HEATR1: variants seen among roughly 807,000 people sequenced by gnomAD.
HEATR1 encodes the protein HEAT repeat containing 1, also known as HEAT repeat-containing protein 1.
Under a neutral mutation model 248.2 loss-of-function variants are expected in HEATR1, and 77 were observed. The ratio of observed to expected loss-of-function variants is 0.31; its 90% CI spans 0.26 to 0.37. HEATR1 has a LOEUF of 0.37. HEATR1 is among the 10% of genes least tolerant of loss of function. HEATR1 has a pLI of 1.00. For synonymous variants in HEATR1, 897 were observed against 923.1 expected (o/e 0.97, Z 0.51); for missense variants, 2,420 against 2,504.9 (o/e 0.97, Z 0.72).
At chr1:236,596,240 C>T (rs74147505) in intron 6 of HEATR1, among the ~76,000 whole-genome samples, 196 bp from the exon 7 acceptor site, 2,677 of 152,254 alleles carry the variant, frequency 0.018, 17 homozygotes, top group Middle Eastern at 0.075. Flanking sequence ...GTCTGTTGAA[C>T]GAGACAAAGG....
chr1:236,550,837 C>A lies in HEATR1; in HGVS notation c.*65G>T. 1.5e-6 allele frequency: 2 copies of A among 1,300,892 alleles called. No homozygotes were observed. Among genetic ancestry groups the A allele is most frequent in the Non-Finnish European group, 2.1e-6 (2 of 932,384 alleles). The allele number at this position is 1,300,892 out of a possible 1,614,324, so 80.6% of individuals were successfully genotyped here. On this transcript the variant is annotated 3_prime_UTR_variant, in exon 45 of 45. Transcript: ENST00000366582. ...CCAAAAGTAACATGGCACCCAACAC[C>A]CAAAAATAAAAATATGAAATATGAG...
At chr1:236,598,183 C>A (rs1282696451) in intron 4 of HEATR1, among the ~76,000 whole-genome samples, 1 of 152,034 alleles carries the variant, frequency 6.6e-6, no homozygotes, top group Non-Finnish European at 1.5e-5. Flanking sequence ...GCAATGAGGG[C>A]AGAGGTATTT....
chr1:236,555,326 T>C lies in HEATR1; in HGVS notation c.5893A>G (p.Thr1965Ala), dbSNP rs749806008. ...AGHLVKPFAD[T>A]LNQVNISKTD... ...TTGGAGATGTTCACCTGGTTCAAGG[T>C]GTCAGCAAAAGGCTTCACTAAGTGG... The change falls in exon 41 of 45, where the codon ACC becomes GCC. Residue 1965 changes from threonine (T) to alanine (A), a missense_variant. Coordinates refer to ENST00000366582, the MANE Select transcript of HEATR1 (RefSeq NM_018072.6). 3.5e-5 allele frequency: 56 copies of C among 1,614,062 alleles called. No homozygotes were observed. Among genetic ancestry groups the C allele is most frequent in the Middle Eastern group, 1.6e-4 (1 of 6,084 alleles).
chr1:236,557,144 T>C (rs1558177507), intron 37 of HEATR1, 51 bp downstream of exon 37: 1 of 1,579,488 alleles, frequency 6.3e-7, no homozygotes, highest in East Asian at 2.3e-5. Context: ...TTTGTGATCT[T>C]TTACCTTCCC....
Position 236,566,787 on chromosome 1 carries a change from G to C in HEATR1, c.4167C>G (p.His1389Gln). Reference sequence around the variant, plus strand: ...TGGGCAGGCGCCTGTGCTCCGGGACGTGTGGCAGCGCATCCACAAATACAC... The same window carrying C: ...TGGGCAGGCGCCTGTGCTCCGGGACCTGTGGCAGCGCATCCACAAATACAC... ...IISVFVDALP[H>Q]VPEHRRLPIL... is the part of the protein sequence containing the mutation. The change falls in exon 30 of 45, where the codon CAC becomes CAG. Residue 1389 changes from histidine to glutamine, a missense_variant. Physicochemically the swap from His to Gln is conservative, Grantham distance 24 (BLOSUM62 0). Coordinates refer to ENST00000366582, the MANE Select transcript of HEATR1 (RefSeq NM_018072.6). 1 of 1,614,094 alleles carries C rather than the reference G, an allele frequency of 6.2e-7. No individual in the cohort carries two copies. The highest frequency in any genetic ancestry group is 8.5e-7 in the Non-Finnish European group (1 of 1,179,994).
chr1:236,582,664 A>C (rs1260984211), intron 19 of HEATR1, 72 bp downstream of exon 19: 1 of 1,534,992 alleles, frequency 6.5e-7, no homozygotes, highest in Non-Finnish European at 9.0e-7. Context: ...CGGCCTCCCA[A>C]AGTGCTGGGA....
chr1:236,559,050 G>C lies in HEATR1; in HGVS notation c.4856C>G (p.Ala1619Gly), dbSNP rs760041607. ...GNPLPSVRRK[A>G]LDLLNNKLQQ... The stretch of plus-strand genomic sequence containing the variant: ...CAGCTTGTTATTCAAAAGGTCCAGC[G>C]CTTTGCGGCGAACAGATGGCAGGGG... The change falls in exon 35 of 45, where the codon GCG becomes GGG. Residue 1619 changes from alanine to glycine, a missense_variant. Coordinates refer to ENST00000366582, the MANE Select transcript of HEATR1 (RefSeq NM_018072.6). The C allele has an allele frequency of 6.2e-7, 1 of 1,612,622 alleles. No homozygotes were observed. The highest frequency in any genetic ancestry group is 8.5e-7 in the Non-Finnish European group (1 of 1,179,734).
Position 236,604,140 on chromosome 1 carries a change from A to C in HEATR1, c.-32-13T>G, listed in dbSNP as rs908385570. ...TTAATGACACGGGCTAAAAAAACGT[A>C]AGCACTTTGATAAGTTTCTACGAAA... is the stretch of plus-strand genomic sequence containing the variant. On this transcript the variant is annotated splice_polypyrimidine_tract_variant and intron_variant, in intron 1 of 44. Transcript: ENST00000366582. 11 of 1,527,158 alleles carry C rather than the reference A, an allele frequency of 7.2e-6. No homozygotes were observed. The highest frequency in any genetic ancestry group is 9.6e-6 in the Non-Finnish European group (11 of 1,145,378). The allele number at this position is 1,527,158 out of a possible 1,614,324, so 94.6% of individuals were successfully genotyped here.
At chr1:236,599,734 G>A in intron 3 of HEATR1, 110 bp from the exon 4 acceptor site, 1 of 1,011,936 alleles carries the variant, frequency 9.9e-7, no homozygotes, top group South Asian at 2.1e-5. Flanking sequence ...CCTAGAACGA[G>A]TAGCAGTAAA....
intron 35 of HEATR1, 80 bp downstream of exon 35, chr1:236,558,915 A>G (rs112365432): frequency 1.3e-5 from 15 of 1,182,010 alleles, no homozygotes; most frequent in Middle Eastern, 2.0e-4. Context: ...TTGTACCACT[A>G]GAGAAATTGA....
At chr1:236,567,554 A>C (rs977730905) in intron 29 of HEATR1, among the ~76,000 whole-genome samples, 3 of 152,206 alleles carry the variant, frequency 2.0e-5, no homozygotes, top group Admixed American at 1.3e-4. Context: ...TACTAAAAAT[A>C]CAAAATTAGC....
At chr1:236,591,478 T>A (rs1307969047) in intron 11 of HEATR1, among the ~76,000 whole-genome samples, 1 of 152,224 alleles carries the variant, frequency 6.6e-6, no homozygotes, top group Non-Finnish European at 1.5e-5. Context: ...TTTCTCTTCA[T>A]AATTATCTGT....
At chr1:236,576,467 A>T (rs1663564249) in intron 21 of HEATR1, 90 bp from the exon 22 acceptor site, 1 of 946,120 alleles carries the variant, frequency 1.1e-6, no homozygotes, top group South Asian at 1.9e-5. Context: ...TACCCAAATG[A>T]TGTGACATTG....
Position 236,586,341 on chromosome 1 carries a change from G to A in HEATR1, c.1827C>T (p.Ile609=). ...VVVCLLPFMV[I]NNDDTESAEM... ...CAGCAGATTCCGTATCATCATTATTGATAACCATAAATGGCAGCAAACATA... is the reference window on the plus strand; with the variant it reads ...CAGCAGATTCCGTATCATCATTATTAATAACCATAAATGGCAGCAAACATA... Residue 609 remains isoleucine (I), a synonymous_variant, in exon 15 of 45, where the codon ATC becomes ATT. Coordinates refer to ENST00000366582, the MANE Select transcript of HEATR1 (RefSeq NM_018072.6). The A allele has an allele frequency of 6.2e-7, 1 of 1,612,688 alleles. No homozygotes were observed.
Position 236,549,224 on chromosome 1 carries a change from C to T in HEATR1, c.*1678G>A. 2.6e-6 allele frequency: 1 copy of T among 377,590 alleles called. No homozygotes were observed. The highest frequency in any genetic ancestry group is 3.7e-5 in the East Asian group (1 of 26,686). The allele number at this position is 377,590 out of a possible 1,614,324, so 23.4% of individuals were successfully genotyped here. A position where few individuals can be genotyped will look rare whatever the true frequency, so the allele number is the denominator to read the frequency against. ...CATTAGCAACTGAGATCAAAGCACT[C>T]TTCCACTTTACGTGATTAAAATCAA... is the stretch of plus-strand genomic sequence containing the variant. On this transcript the variant is annotated 3_prime_UTR_variant, in exon 45 of 45. Transcript: ENST00000366582.
rs375492447 is a variant in HEATR1, at chr1:236,583,053, T to C, written c.2385A>G (p.Lys795=). The C allele has an allele frequency of 6.2e-7, 1 of 1,614,118 alleles. No individual in the cohort carries two copies. ...DSVFLVFSLK[K]FIYALKAPKS... Reference sequence around the variant, plus strand: ...TAGGAGCTTTCAGTGCATAAATAAATTTTTTCAAGGAAAATACAAGAAAAA... The same window carrying C: ...TAGGAGCTTTCAGTGCATAAATAAACTTTTTCAAGGAAAATACAAGAAAAA... Residue 795 remains lysine (K), a synonymous_variant, in exon 18 of 45, where the codon AAA becomes AAG. Coordinates refer to ENST00000366582, the MANE Select transcript of HEATR1 (RefSeq NM_018072.6).
intron 16 of HEATR1, 35 bp from the exon 17 acceptor site, chr1:236,585,251 C>T (rs777829226): frequency 6.5e-7 from 1 of 1,548,064 alleles, no homozygotes; most frequent in Non-Finnish European, 8.7e-7. Context: ...ACCAGTTGCT[C>T]TTGATTTTCA....
intron 28 of HEATR1, among the ~76,000 whole-genome samples, chr1:236,569,921 T>G: frequency 6.6e-6 from 1 of 152,172 alleles, no homozygotes; most frequent in Non-Finnish European, 1.5e-5. Flanking sequence ...AAATGTGGCA[T>G]ACACATACAA....
At chr1:236,577,718 C>A (rs1019878116) in intron 20 of HEATR1, among the ~76,000 whole-genome samples, 1 of 152,062 alleles carries the variant, frequency 6.6e-6, no homozygotes, top group African/African-American at 2.4e-5. Context: ...GAACTCCCAA[C>A]CTCAGGTGAT....
Sources: gnomAD v4.1 joint callset for allele counts (sites outside exome capture counted in the v4.1 genomes callset) on GRCh38, gnomAD v4.1.1 for gene constraint, MANE v1.5 for transcripts, NCBI Gene and HGNC (gene_info 2026-07-23, HGNC 2026-07-21) for gene names.